UVRAG: variants seen among roughly 807,000 people sequenced by gnomAD.
UVRAG encodes the protein UV radiation resistance associated.
A neutral mutation model predicts 78.0 loss-of-function variants in UVRAG; 19 were observed. That is an observed-to-expected ratio of 0.24 (90% CI 0.17 to 0.36). The LOEUF (loss-of-function observed/expected upper bound fraction) is 0.36. Among genes scored for constraint, UVRAG ranks in the 10% least tolerant of loss-of-function variants. UVRAG has a pLI of 1.00. For synonymous variants in UVRAG, 323 were observed against 324.6 expected, an observed-to-expected ratio of 1.00 and a Z score of 0.05; for missense variants, 740 against 853.8, an observed-to-expected ratio of 0.87 and a Z score of 1.66.
intron 12 of UVRAG, among the ~76,000 whole-genome samples, chr11:76,051,828 G>C (rs1304463388): frequency 6.6e-6 from 1 of 152,082 alleles, no homozygotes; most frequent in Non-Finnish European, 1.5e-5. Flanking sequence ...TTCCCCCAAA[G>C]AAGGAGGAAA....
intron 8 of UVRAG, among the ~76,000 whole-genome samples, chr11:75,988,846 T>G (rs1041016022): frequency 6.6e-6 from 1 of 152,230 alleles, no homozygotes; most frequent in Non-Finnish European, 1.5e-5. Context: ...TGCTTATCTG[T>G]TACCTGTTTC....
rs188610687 is a variant in UVRAG at position 75,839,929 on chromosome 11, C to G, written c.118-11954C>G. On this transcript the variant is annotated intron_variant, in intron 1 of 14. Coordinates refer to ENST00000356136, the MANE Select transcript of UVRAG (RefSeq NM_003369.4). ...ATGAACTCCCAGGTACCTGTTACCCCACTTCAATAACTATTAACTCATGTT... is the reference window on the plus strand; with the variant it reads ...ATGAACTCCCAGGTACCTGTTACCCGACTTCAATAACTATTAACTCATGTT... Among the ~76,000 whole-genome samples, 51 of 151,864 alleles carry G rather than the reference C, an allele frequency of 3.4e-4. 1 individual carries two copies. In the East Asian group the frequency reaches 9.1e-3, roughly 27 times the overall value.
chr11:76,013,292 C>A (rs765738622), intron 11 of UVRAG, among the ~76,000 whole-genome samples: 1 of 151,998 alleles, frequency 6.6e-6, no homozygotes, highest in Non-Finnish European at 1.5e-5. Context: ...TAAAAATAAA[C>A]CAGGAATATT....
At chr11:76,060,721 G>A (rs1384598911) in intron 12 of UVRAG, among the ~76,000 whole-genome samples, 3 of 152,186 alleles carry the variant, frequency 2.0e-5, no homozygotes, top group Admixed American at 1.3e-4. Context: ...AGTGGCTGCC[G>A]AGGGTGTGCT....
At chr11:76,019,645 C>T (rs1950205877) in intron 12 of UVRAG, among the ~76,000 whole-genome samples, 1 of 152,188 alleles carries the variant, frequency 6.6e-6, no homozygotes, top group Non-Finnish European at 1.5e-5. Flanking sequence ...CTCTGGATTA[C>T]CAGGCAGAGA....
At chr11:75,868,786 C>T (rs919686749) in intron 3 of UVRAG, among the ~76,000 whole-genome samples, 1 of 152,134 alleles carries the variant, frequency 6.6e-6, no homozygotes, top group Non-Finnish European at 1.5e-5. Flanking sequence ...ATTGCAAACC[C>T]ACATCTGCCT....
intron 1 of UVRAG, among the ~76,000 whole-genome samples, chr11:75,840,021 A>G (rs1303661323): frequency 6.6e-6 from 1 of 152,024 alleles, no homozygotes; most frequent in Non-Finnish European, 1.5e-5. Context: ...TTTTGAAGCA[A>G]ATCACAGGCA....
At chr11:75,889,392 C>T (rs1947167057) in intron 5 of UVRAG, among the ~76,000 whole-genome samples, 1 of 152,208 alleles carries the variant, frequency 6.6e-6, no homozygotes, top group African/African-American at 2.4e-5. Flanking sequence ...CCAGGTGATT[C>T]TTGTCCTTTT....
intron 2 of UVRAG, among the ~76,000 whole-genome samples, chr11:75,857,734 C>T (rs577660718): frequency 5.9e-5 from 9 of 151,540 alleles, no homozygotes; most frequent in African/African-American, 1.5e-4. Flanking sequence ...GTGATCCACC[C>T]GTCTTGGCTT....
At chr11:76,094,157 C>T (rs7128977) in intron 13 of UVRAG, among the ~76,000 whole-genome samples, 2,278 of 152,090 alleles carry the variant, frequency 0.015, 52 homozygotes, top group African/African-American at 0.053. Context: ...TGCTGGATTA[C>T]GTTTATTGAT....
At chr11:75,889,278 C>T (rs895773327) in intron 5 of UVRAG, among the ~76,000 whole-genome samples, 9 of 152,208 alleles carry the variant, frequency 5.9e-5, no homozygotes, top group African/African-American at 1.2e-4. Flanking sequence ...AACTATGAAT[C>T]GGTTGTTTTA....
Position 75,823,898 on chromosome 11 carries a change from T to C in UVRAG, c.117+8374T>C, listed in dbSNP as rs191898189. ...ACAGCCTAAAGAGAACAAGGAAAGA[T>C]TGGATTCAGTGGTATTGAAACCCAT... On this transcript the variant is annotated intron_variant, in intron 1 of 14. Coordinates refer to ENST00000356136, the MANE Select transcript of UVRAG (RefSeq NM_003369.4). 2.8e-4 allele frequency among the ~76,000 whole-genome samples: 42 copies of C among 152,318 alleles called. No individual in the cohort carries two copies. The East Asian group carries it at 7.7e-3, about 28-fold the overall frequency.
At chr11:76,040,057 T>C (rs1950614789) in intron 12 of UVRAG, among the ~76,000 whole-genome samples, 1 of 152,214 alleles carries the variant, frequency 6.6e-6, no homozygotes, top group South Asian at 2.1e-4. Flanking sequence ...TTTGTATATA[T>C]ATTTTTAAGT....
intron 5 of UVRAG, among the ~76,000 whole-genome samples, chr11:75,908,374 A>G (rs1037998108): frequency 6.6e-6 from 1 of 152,202 alleles, no homozygotes. Context: ...TAATGCTGCT[A>G]TGAATATGGA....
chr11:75,999,249 A>AAAGAT (rs1554975476), intron 8 of UVRAG, among the ~76,000 whole-genome samples: 1 of 32,692 alleles, frequency 3.1e-5, no homozygotes, highest in Non-Finnish European at 7.0e-5. Context: ...AAAAAAAAAA[A>AAAGAT]AAGTCAACTT....
chr11:75,822,347 G>A (rs1565329810), intron 1 of UVRAG, among the ~76,000 whole-genome samples: 3 of 152,218 alleles, frequency 2.0e-5, no homozygotes, highest in Admixed American at 1.3e-4. Flanking sequence ...TATACTATCA[G>A]CATAACCCTT....
chr11:75,860,019 A>C (rs1260140501), intron 2 of UVRAG, among the ~76,000 whole-genome samples: 18 of 152,244 alleles, frequency 1.2e-4, no homozygotes, highest in Admixed American at 1.2e-3. Flanking sequence ...ATCTCAGCTC[A>C]CTGCAACCTC....
At chr11:75,863,817 G>A (rs1426000941) in intron 3 of UVRAG, among the ~76,000 whole-genome samples, 3 of 152,112 alleles carry the variant, frequency 2.0e-5, no homozygotes, top group Admixed American at 6.5e-5. Flanking sequence ...ATTGTTTTCC[G>A]AATGTACCTC....
At chr11:76,005,979 G>C (rs182081736) in intron 9 of UVRAG, among the ~76,000 whole-genome samples, 26 of 132,974 alleles carry the variant, frequency 2.0e-4, no homozygotes, top group Non-Finnish European at 3.3e-4. Flanking sequence ...ATTAGATCTT[G>C]TTGTGCAAGA....
Sources: allele counts gnomAD v4.1 joint callset (sites outside exome capture counted in the v4.1 genomes callset), GRCh38; gene constraint gnomAD v4.1.1; transcripts MANE v1.5; gene names NCBI Gene and HGNC (gene_info 2026-07-23, HGNC 2026-07-21).